Variants in INSYN2B observed in about 807,000 individuals in gnomAD.
INSYN2B encodes the protein protein INSYN2B.
In INSYN2B, 16 loss-of-function variants were observed where a neutral mutation model predicts 41.2. The observed-to-expected ratio is 0.39, with a 90% CI of 0.26 to 0.59. The LOEUF (loss-of-function observed/expected upper bound fraction) is 0.59. Ranked by LOEUF, INSYN2B falls within the 20% of genes least tolerant of loss-of-function variation. The pLI is 0.57. For missense variants in INSYN2B, 608 were observed against 646.4 expected (o/e 0.94, Z 0.64); for synonymous variants, 245 against 244.4 (o/e 1.00, Z -0.02).
chr5:169,917,981 G>A (rs893140812), intron 1 of INSYN2B, among the ~76,000 whole-genome samples: 1 of 152,226 alleles, frequency 6.6e-6, no homozygotes, highest in African/African-American at 2.4e-5. Context: ...CTGAGCTAAT[G>A]TGTGTTCTCG....
chr5:169,886,641 T>G (rs1256491013), intron 1 of INSYN2B, among the ~76,000 whole-genome samples: 1 of 152,252 alleles, frequency 6.6e-6, no homozygotes, highest in African/African-American at 2.4e-5. Context: ...TAACCTCCTG[T>G]ATATTATCCC....
intron 1 of INSYN2B, among the ~76,000 whole-genome samples, chr5:169,912,498 C>T (rs1034424980): frequency 1.3e-5 from 2 of 152,128 alleles, no homozygotes; most frequent in South Asian, 4.1e-4. Context: ...TTCTTAGGGT[C>T]TTATTGAGAC....
intron 3 of INSYN2B, among the ~76,000 whole-genome samples, chr5:169,876,084 C>T (rs1772315871): frequency 6.6e-6 from 1 of 152,192 alleles, no homozygotes; most frequent in South Asian, 2.1e-4. Context: ...TGCCATGCCT[C>T]CTGGCTTGTG....
intron 3 of INSYN2B, among the ~76,000 whole-genome samples, chr5:169,879,722 T>A (rs1284859410): frequency 6.6e-6 from 1 of 152,198 alleles, no homozygotes; most frequent in African/African-American, 2.4e-5. Flanking sequence ...CGGTTTAGAA[T>A]ATCAGAATGT....
chr5:169,896,803 T>C (rs894395351), intron 1 of INSYN2B, among the ~76,000 whole-genome samples: 3 of 152,176 alleles, frequency 2.0e-5, no homozygotes, highest in African/African-American at 7.2e-5. Flanking sequence ...AGTCGATTGA[T>C]AATGTAGAAG....
intron 1 of INSYN2B, among the ~76,000 whole-genome samples, chr5:169,908,066 C>T (rs1774393738): frequency 6.6e-6 from 1 of 152,172 alleles, no homozygotes; most frequent in African/African-American, 2.4e-5. Flanking sequence ...AAGCCATCCC[C>T]AGGAAAAGCT....
intron 1 of INSYN2B, among the ~76,000 whole-genome samples, chr5:169,935,401 T>G (rs1040010869): frequency 1.5e-4 from 23 of 152,190 alleles, no homozygotes; most frequent in African/African-American, 3.4e-4. Context: ...GCCCTAGCTT[T>G]CTTTCTCTTC....
chr5:169,915,848 G>T (rs554200972), intron 1 of INSYN2B, among the ~76,000 whole-genome samples: 1 of 152,294 alleles, frequency 6.6e-6, no homozygotes, highest in South Asian at 2.1e-4. Flanking sequence ...GTGTGAGATT[G>T]ATGACTTGGG....
intron 1 of INSYN2B, among the ~76,000 whole-genome samples, chr5:169,907,899 G>T (rs976736089): frequency 1.3e-5 from 2 of 152,178 alleles, no homozygotes; most frequent in Non-Finnish European, 2.9e-5. Flanking sequence ...CACAGGAACC[G>T]TTGGCCAGTC....
At chr5:169,973,959 G>A (rs1468962635) in intron 1 of INSYN2B, among the ~76,000 whole-genome samples, 1 of 152,184 alleles carries the variant, frequency 6.6e-6, no homozygotes. Flanking sequence ...TGTCAATGAT[G>A]TTTCCTAATA....
At chr5:169,959,623 G>A (rs911488049) in intron 1 of INSYN2B, among the ~76,000 whole-genome samples, 1 of 152,150 alleles carries the variant, frequency 6.6e-6, no homozygotes, top group Non-Finnish European at 1.5e-5. Flanking sequence ...GCTTCACAGA[G>A]GATCATGCAT....
intron 1 of INSYN2B, among the ~76,000 whole-genome samples, chr5:169,977,910 A>G (rs1777773107): frequency 6.6e-6 from 1 of 152,188 alleles, no homozygotes; most frequent in East Asian, 1.9e-4. Context: ...AATTTCATCC[A>G]AGAATAAAAT....
chr5:169,876,057 C>T (rs546513807), intron 3 of INSYN2B, among the ~76,000 whole-genome samples: 2 of 152,328 alleles, frequency 1.3e-5, no homozygotes, highest in Admixed American at 1.3e-4. Flanking sequence ...CCCTTGCCTT[C>T]TCTCACTTTT....
At chr5:169,875,105 G>A (rs1050743391) in intron 3 of INSYN2B, 6 of 426,628 alleles carry the variant, frequency 1.4e-5, no homozygotes, top group Non-Finnish European at 2.8e-5. Flanking sequence ...TTACAAGCAA[G>A]TATTTTTTAT....
At chr5:169,864,505 A>G (rs1771413026) in intron 3 of INSYN2B, 46 bp from the exon 4 acceptor site, 2 of 1,365,454 alleles carry the variant, frequency 1.5e-6, no homozygotes, top group South Asian at 2.9e-5. Flanking sequence ...TCGAATCAGC[A>G]CAGACTGATT....
chr5:169,970,614 G>A (rs1777469018), intron 1 of INSYN2B, among the ~76,000 whole-genome samples: 1 of 152,196 alleles, frequency 6.6e-6, no homozygotes, highest in South Asian at 2.1e-4. Flanking sequence ...TTGCAGGGTA[G>A]TTCCCAAGAA....
chr5:169,879,970 ATTC>A lies in INSYN2B; in HGVS notation c.1421+1395_1421+1397del, dbSNP rs549475399. Among the ~76,000 whole-genome samples, 221 of 152,344 alleles carry A rather than the reference ATTC, an allele frequency of 1.5e-3. 2 individuals are homozygous for A. The highest frequency in any genetic ancestry group is 6.0e-3 in the South Asian group (29 of 4,834). On this transcript the variant is annotated intron_variant, in intron 3 of 3. Transcript: ENST00000377365. ...TTTAAATGGAGGTTAGTTCAAATTA[ATTC>A]TTCTTGTTTATGATGAATAGTTTTG...
At chr5:169,866,362 CTG>C (rs545303799) in intron 3 of INSYN2B, among the ~76,000 whole-genome samples, 28 of 152,326 alleles carry the variant, frequency 1.8e-4, no homozygotes, top group Non-Finnish European at 3.4e-4. Flanking sequence ...CACAGTTTCA[CTG>C]TGAGATCTTG....
intron 1 of INSYN2B, chr5:169,934,749 G>A: frequency 2.2e-6 from 1 of 455,794 alleles, no homozygotes; most frequent in South Asian, 1.6e-5. Flanking sequence ...CACGGGATCA[G>A]TGCTCAGTAA....
Sources: gnomAD v4.1 joint callset for allele counts (sites outside exome capture counted in the v4.1 genomes callset) on GRCh38, gnomAD v4.1.1 for gene constraint, MANE v1.5 for transcripts, NCBI Gene and HGNC (gene_info 2026-07-23, HGNC 2026-07-21) for gene names.